COG5: variants seen among roughly 807,000 people sequenced by gnomAD.
COG5 encodes conserved oligomeric Golgi complex subunit 5.
Under a neutral mutation model 110.4 loss-of-function variants are expected in COG5, and 86 were observed. The observed-to-expected ratio is 0.78, with a 90% confidence interval of 0.65 to 0.93. COG5 has a LOEUF of 0.93. Ranked by LOEUF, COG5 falls within the 40% of genes least tolerant of loss-of-function variation. The pLI, the probability that COG5 is intolerant of heterozygous loss-of-function variation, is 0.00. For missense variants in COG5, 1,077 were observed against 987.0 expected, an observed-to-expected ratio of 1.09 and a Z score of -1.22; for synonymous variants, 360 against 334.6, an observed-to-expected ratio of 1.08 and a Z score of -0.83.
intron 7 of COG5, among the ~76,000 whole-genome samples, chr7:107,378,049 T>C (rs1441764665): frequency 6.6e-6 from 1 of 152,184 alleles, no homozygotes; most frequent in Non-Finnish European, 1.5e-5. Context: ...GGTGCCCCTC[T>C]GGGACGAAGC....
intron 7 of COG5, among the ~76,000 whole-genome samples, chr7:107,388,495 T>C (rs906248179): frequency 3.3e-5 from 5 of 152,148 alleles, no homozygotes; most frequent in African/African-American, 1.2e-4. Context: ...GAACATGCCA[T>C]AGTAAAATGT....
intron 13 of COG5, among the ~76,000 whole-genome samples, chr7:107,283,252 G>A (rs1035244532): frequency 6.6e-6 from 1 of 152,012 alleles, no homozygotes; most frequent in African/African-American, 2.4e-5. Flanking sequence ...TTATAAAATC[G>A]TTTATTATAT....
At chr7:107,242,731 C>T (rs1163236868) in intron 17 of COG5, among the ~76,000 whole-genome samples, 1 of 152,222 alleles carries the variant, frequency 6.6e-6, no homozygotes, top group East Asian at 1.9e-4. Flanking sequence ...TGCTTGTCAC[C>T]AGGAGAACCC....
chr7:107,346,619 T>C (rs541869341), intron 10 of COG5, among the ~76,000 whole-genome samples: 1 of 152,266 alleles, frequency 6.6e-6, no homozygotes, highest in South Asian at 2.1e-4. Context: ...AATGAACTGT[T>C]CACACTTTCA....
intron 7 of COG5, among the ~76,000 whole-genome samples, chr7:107,399,174 C>A (rs915371050): frequency 1.3e-5 from 2 of 151,884 alleles, no homozygotes; most frequent in African/African-American, 4.8e-5. Context: ...TGCATTCCAA[C>A]CTGGGTGACA....
chr7:107,258,635 A>G, intron 14 of COG5: 1 of 529,026 alleles, frequency 1.9e-6, no homozygotes, highest in Non-Finnish European at 3.4e-6. Flanking sequence ...TTGCACGGGA[A>G]GAACAGCTCC....
chr7:107,208,680 T>A, intron 21 of COG5: 1 of 985,436 alleles, frequency 1.0e-6, no homozygotes, highest in Non-Finnish European at 1.2e-6. Context: ...CCTCTCCCAT[T>A]TCTGTGTCAG....
At chr7:107,318,729 A>G (rs1259113987) in intron 11 of COG5, among the ~76,000 whole-genome samples, 1 of 152,138 alleles carries the variant, frequency 6.6e-6, no homozygotes, top group East Asian at 1.9e-4. Context: ...GTCACTTCTT[A>G]TAAGGACAGT....
At position 107,283,575 on chromosome 7, in the gene COG5, C is replaced by A; in HGVS notation, c.1471G>T (p.Ala491Ser). 1 of 1,613,644 alleles carries A rather than the reference C, an allele frequency of 6.2e-7. No individual in the cohort carries two copies. The highest frequency in any genetic ancestry group is 1.1e-5 in the South Asian group (1 of 91,078). ...CACTATATAAAAAATACATACCTTGCTATAGTTTTAATAATACCATCAAGT... is the reference window on the plus strand; with the variant it reads ...CACTATATAAAAAATACATACCTTGATATAGTTTTAATAATACCATCAAGT... ...DELDGIIKTI[A>S]SELNVAAVDT... The change falls in exon 13 of 22, where the codon GCA becomes TCA. Residue 491 changes from alanine (A) to serine (S), a missense_variant. Coordinates refer to ENST00000297135, the MANE Select transcript of COG5 (RefSeq NM_006348.5).
At chr7:107,550,848 A>T (rs1041368760) in intron 3 of COG5, among the ~76,000 whole-genome samples, 1 of 149,508 alleles carries the variant, frequency 6.7e-6, no homozygotes, top group African/African-American at 2.5e-5. Context: ...TGGGGTTACA[A>T]GCATGATCCA....
chr7:107,252,736 G>C lies in COG5; in HGVS notation c.1749+3996C>G, dbSNP rs1802613571. ...ATACATAAAAAGGGTAATACATCAT[G>C]ACTAAGGTTGGTTTGATATTTGAAA... On this transcript the variant is annotated intron_variant, in intron 16 of 21. Coordinates refer to ENST00000297135, the MANE Select transcript of COG5 (RefSeq NM_006348.5). Among the ~76,000 whole-genome samples, 4 of 152,108 alleles carry C rather than the reference G, an allele frequency of 2.6e-5. No homozygotes were observed. In the South Asian group the frequency reaches 8.3e-4, roughly 32 times the overall value.
intron 21 of COG5, chr7:107,209,102 C>T (rs1289784288): frequency 3.5e-5 from 34 of 985,336 alleles, no homozygotes; most frequent in Non-Finnish European, 4.0e-5. Flanking sequence ...ATCATGTCAG[C>T]CCCACTCTGG....
In COG5 at chr7:107,349,163, G is replaced by T. The variant is rs115553725; in HGVS notation, c.1026+12870C>A. Among the ~76,000 whole-genome samples the T allele has an allele frequency of 5.3e-3, 811 of 152,238 alleles. 8 individuals carry two copies. Among genetic ancestry groups the T allele is most frequent in the African/African-American group, 0.019 (789 of 41,528 alleles). On this transcript the variant is annotated intron_variant, in intron 10 of 21. Coordinates refer to ENST00000297135, the MANE Select transcript of COG5 (RefSeq NM_006348.5). ...CTTAACTGTACATTACCAATTTACA[G>T]AAGTACAACTGACTTTTATATATTG...
At chr7:107,214,499 T>G (rs113062334) in intron 19 of COG5, among the ~76,000 whole-genome samples, 1 of 151,612 alleles carries the variant, frequency 6.6e-6, no homozygotes, top group East Asian at 1.9e-4. Flanking sequence ...GCTGCTAATT[T>G]AATAAAATAT....
chr7:107,278,582 C>A (rs1310198569), intron 14 of COG5, among the ~76,000 whole-genome samples: 1 of 152,034 alleles, frequency 6.6e-6, no homozygotes, highest in African/African-American at 2.4e-5. Context: ...CATCCATGTC[C>A]CTGCAAAGGA....
intron 12 of COG5, among the ~76,000 whole-genome samples, chr7:107,291,726 C>T (rs150817227): frequency 6.6e-6 from 1 of 152,304 alleles, no homozygotes; most frequent in African/African-American, 2.4e-5. Context: ...CTAATTGTAG[C>T]TCCTTTGATA....
intron 19 of COG5, among the ~76,000 whole-genome samples, chr7:107,212,296 T>C (rs974613378): frequency 2.0e-5 from 3 of 152,236 alleles, no homozygotes; most frequent in African/African-American, 7.2e-5. Context: ...TTATGTTGTC[T>C]ATCACCAGAA....
intron 6 of COG5, among the ~76,000 whole-genome samples, chr7:107,451,954 A>T (rs550884629): frequency 6.6e-6 from 1 of 152,210 alleles, no homozygotes; most frequent in African/African-American, 2.4e-5. Context: ...CCTAGCCCCC[A>T]CATTGTTCAA....
intron 7 of COG5, among the ~76,000 whole-genome samples, chr7:107,402,364 C>G (rs987737994): frequency 6.6e-6 from 1 of 152,138 alleles, no homozygotes; most frequent in African/African-American, 2.4e-5. Context: ...TTCCTGATGA[C>G]CTCTAAAGAC....
Sources: gnomAD v4.1 joint callset for allele counts (sites outside exome capture counted in the v4.1 genomes callset) on GRCh38, gnomAD v4.1.1 for gene constraint, MANE v1.5 for transcripts, NCBI Gene and HGNC (gene_info 2026-07-23, HGNC 2026-07-21) for gene names.